DUSP3: variants seen among roughly 807,000 people sequenced by gnomAD.
DUSP3 encodes dual specificity phosphatase 3, also known as dual specificity protein phosphatase 3.
DUSP3 carries 7 observed loss-of-function variants against 15.5 expected under a neutral mutation model. The observed-to-expected ratio is 0.45, with a 90% CI of 0.26 to 0.85. The LOEUF (loss-of-function observed/expected upper bound fraction) is 0.85. Ranked by LOEUF, DUSP3 falls within the 40% of genes least tolerant of loss-of-function variation. The probability of loss-of-function intolerance (pLI) is 0.18; values close to 1 mark genes in which losing one functional copy is unlikely to be tolerated. For missense variants in DUSP3, 209 were observed against 251.7 expected (o/e 0.83, Z 1.15); for synonymous variants, 86 against 104.2 (o/e 0.83, Z 1.07).
chr17:43,775,954 T>C (rs892964125), intron 1 of DUSP3, among the ~76,000 whole-genome samples: 1 of 151,954 alleles, frequency 6.6e-6, no homozygotes, highest in African/African-American at 2.4e-5. Context: ...CTACTAAAAA[T>C]ACAAAAGTGA....
Position 43,778,782 on chromosome 17 carries a change from C to A in DUSP3, c.125+18G>T, listed in dbSNP as rs930731427. The A allele has an allele frequency of 2.0e-6, 3 of 1,514,778 alleles. No individual in the cohort carries two copies. The highest frequency in any genetic ancestry group is 2.5e-5 in the South Asian group (2 of 80,098). The allele number at this position is 1,514,778 out of a possible 1,614,324, so 93.8% of individuals were successfully genotyped here. A position where few individuals can be genotyped will look rare whatever the true frequency, so the allele number is the denominator to read the frequency against. ...TCCCGAGAGGGACGGCGGGGCCGGG[C>A]TCGCGAAAGGGACTCACGCGTTGCC... On this transcript the variant is annotated intron_variant, in intron 1 of 2. Transcript: ENST00000226004.
intron 1 of DUSP3, chr17:43,777,506 A>G (rs1384974368): frequency 8.8e-6 from 4 of 455,884 alleles, no homozygotes; most frequent in Non-Finnish European, 1.8e-5. Context: ...AGCAGGTCAT[A>G]GCGGAGGTCA....
rs930731427 is a variant in DUSP3 at position 43,778,782 on chromosome 17, C to T, written c.125+18G>A. 6.6e-6 allele frequency: 10 copies of T among 1,514,888 alleles called. No homozygotes were observed. Among genetic ancestry groups the T allele is most frequent in the Non-Finnish European group, 8.8e-6 (10 of 1,131,452 alleles). The allele number at this position is 1,514,888 out of a possible 1,614,324, so 93.8% of individuals were successfully genotyped here. On this transcript the variant is annotated intron_variant, in intron 1 of 2. Transcript: ENST00000226004. ...TCCCGAGAGGGACGGCGGGGCCGGG[C>T]TCGCGAAAGGGACTCACGCGTTGCC...
rs1683934897 is a variant in DUSP3, at chr17:43,766,147, T to C, written c.*3462A>G. On this transcript the variant is annotated 3_prime_UTR_variant, in exon 3 of 3. Transcript: ENST00000226004. The stretch of plus-strand genomic sequence containing the variant: ...ACCTTTGTAATGTAAGACATTTATT[T>C]TGGCTAAAGTTCTGGTGTTTTAACA... 1 of 152,678 alleles carries C rather than the reference T, an allele frequency of 6.5e-6. No individual in the cohort carries two copies. Among genetic ancestry groups the C allele is most frequent in the Non-Finnish European group, 1.5e-5 (1 of 68,050 alleles). The allele number at this position is 152,678 out of a possible 1,614,324, so 9.5% of individuals were successfully genotyped here.
At chr17:43,777,284 T>C (rs1974401040) in intron 1 of DUSP3, among the ~76,000 whole-genome samples, 2 of 152,142 alleles carry the variant, frequency 1.3e-5, no homozygotes, top group South Asian at 4.1e-4. Context: ...CTAATACTAT[T>C]AATAATTCAA....
At chr17:43,775,612 C>T (rs1974376702) in intron 1 of DUSP3, among the ~76,000 whole-genome samples, 1 of 152,158 alleles carries the variant, frequency 6.6e-6, no homozygotes, top group Non-Finnish European at 1.5e-5. Context: ...CCACCATCTG[C>T]TATAGTACCT....
In DUSP3 at chr17:43,768,499, G is replaced by A. The variant is rs1322335218; in HGVS notation, c.*1110C>T. The A allele has an allele frequency of 6.6e-6, 1 of 152,144 alleles. No homozygotes were observed. The highest frequency in any genetic ancestry group is 1.5e-5 in the Non-Finnish European group (1 of 68,034). 9.4% of individuals were successfully genotyped at this position (152,144 alleles called of 1,614,324 possible). A position where few individuals can be genotyped will look rare whatever the true frequency, so the allele number is the denominator to read the frequency against. ...CTGGCTGAGTCACTTCAGGGATCCCGTGCTGGCACCAGAGAGCTGTAAGAG... is the reference window on the plus strand; with the variant it reads ...CTGGCTGAGTCACTTCAGGGATCCCATGCTGGCACCAGAGAGCTGTAAGAG... On this transcript the variant is annotated 3_prime_UTR_variant, in exon 3 of 3. Transcript: ENST00000226004.
intron 1 of DUSP3, chr17:43,777,691 G>A (rs1269016807): frequency 2.1e-5 from 8 of 376,828 alleles, no homozygotes; most frequent in East Asian, 7.3e-5. Flanking sequence ...TCAGAGTATC[G>A]TGAAAATCCA....
In DUSP3 at chr17:43,769,754, T is replaced by C. The variant is rs1974288527; in HGVS notation, c.413A>G (p.Tyr138Cys). 6.2e-7 allele frequency: 1 copy of C among 1,613,978 alleles called. No homozygotes were observed. Among genetic ancestry groups the C allele is most frequent in the Non-Finnish European group, 8.5e-7 (1 of 1,179,964 alleles). The change falls in exon 3 of 3, where the codon TAC (tyrosine) becomes TGC (cysteine). Residue 138 changes from tyrosine to cysteine, a missense_variant. Tyr to Cys is a radical substitution (Grantham distance 194). Coordinates refer to ENST00000226004, the MANE Select transcript of DUSP3 (RefSeq NM_004090.4). ...GTCCATCTTCTGCCGCATCATGAGG[T>C]AGGCGATAACTAGCGTTGGGGAGCG... ...YSRSPTLVIAYLMMRQKMDVK... is the reference protein window; with the variant it reads ...YSRSPTLVIACLMMRQKMDVK...
At chr17:43,774,184 C>A in intron 2 of DUSP3, 1 of 275,304 alleles carries the variant, frequency 3.6e-6, no homozygotes, top group Non-Finnish European at 7.0e-6. Flanking sequence ...GGCTGCAGGG[C>A]CTCATCTGCT....
intron 2 of DUSP3, 80 bp from the exon 3 acceptor site, chr17:43,769,894 G>T: frequency 6.8e-7 from 1 of 1,472,884 alleles, no homozygotes; most frequent in Non-Finnish European, 9.3e-7. Context: ...TCCGTGAAGT[G>T]CCACTTAAAA....
intron 2 of DUSP3, among the ~76,000 whole-genome samples, chr17:43,773,539 A>AG (rs1352741697): frequency 6.6e-6 from 1 of 152,170 alleles, no homozygotes; most frequent in Non-Finnish European, 1.5e-5. Flanking sequence ...AGATTTGGCC[A>AG]GGGGGGCTGT....
chr17:43,778,950 G>T lies in DUSP3; in HGVS notation c.-26C>A, dbSNP rs766445576. ...GGCGGCGGCGGGGCCCTGCACGCCC[G>T]GCAGGAGCAAGCGAGGCGGAGAGCG... On this transcript the variant is annotated 5_prime_UTR_variant, in exon 1 of 3. Coordinates refer to ENST00000226004, the MANE Select transcript of DUSP3 (RefSeq NM_004090.4). 7.1e-7 allele frequency: 1 copy of T among 1,399,742 alleles called. No homozygotes were observed. The highest frequency in any genetic ancestry group is 9.4e-7 in the Non-Finnish European group (1 of 1,069,290). The allele number at this position is 1,399,742 out of a possible 1,614,324, so 86.7% of individuals were successfully genotyped here. A position where few individuals can be genotyped will look rare whatever the true frequency, so the allele number is the denominator to read the frequency against.
At chr17:43,775,585 G>T (rs1176219721) in intron 1 of DUSP3, among the ~76,000 whole-genome samples, 1 of 152,160 alleles carries the variant, frequency 6.6e-6, no homozygotes, top group Non-Finnish European at 1.5e-5. Flanking sequence ...AACCATGTCT[G>T]CTTTAAGTCT....
At chr17:43,778,568 AC>A (rs1974419934) in intron 1 of DUSP3, among the ~76,000 whole-genome samples, 1 of 151,884 alleles carries the variant, frequency 6.6e-6, no homozygotes, top group Admixed American at 6.5e-5. Context: ...GGCTCCGTGC[AC>A]CCCGCCACGG....
chr17:43,769,799 T>C lies in DUSP3; in HGVS notation c.368A>G (p.His123Arg). ...GGAGCGGCTATAACCTTCCCGGCAG[T>C]GGACGAGCACCCGGCCTGTAAGAAA... is the stretch of plus-strand genomic sequence containing the variant. ...LAQKNGRVLV[H>R]CREGYSRSPT... is the part of the protein sequence containing the mutation. Residue 123 changes from histidine to arginine, a missense_variant, in exon 3 of 3, where the codon CAC (histidine) becomes CGC (arginine). Coordinates refer to ENST00000226004, the MANE Select transcript of DUSP3 (RefSeq NM_004090.4). 6.2e-7 allele frequency: 1 copy of C among 1,614,068 alleles called. No individual in the cohort carries two copies. Among genetic ancestry groups the C allele is most frequent in the Middle Eastern group, 1.7e-4 (1 of 6,060 alleles).
chr17:43,776,980 T>C (rs888126131), intron 1 of DUSP3, among the ~76,000 whole-genome samples: 2 of 133,944 alleles, frequency 1.5e-5, no homozygotes, highest in African/African-American at 7.3e-5. Flanking sequence ...TCTCTAATAC[T>C]TTTTTTTTTT....
At chr17:43,777,003 C>T (rs1262034263) in intron 1 of DUSP3, among the ~76,000 whole-genome samples, 2 of 151,740 alleles carry the variant, frequency 1.3e-5, no homozygotes, top group Non-Finnish European at 2.9e-5. Flanking sequence ...GATGGAGTTT[C>T]GCTCTTGTTG....
chr17:43,774,152 A>G lies in DUSP3; in HGVS notation c.352+560T>C, dbSNP rs564715813. 2.3e-3 allele frequency: 636 copies of G among 278,552 alleles called. 4 individuals carry two copies. The highest frequency in any genetic ancestry group is 0.014 in the African/African-American group (599 of 41,468). 17.3% of individuals were successfully genotyped at this position (278,552 alleles called of 1,614,324 possible). ...AAAAAAAAAGGAGAGAGAGAAGAGG[A>G]AAAAAAAGAGTGGGAAGAGATGGCT... On this transcript the variant is annotated intron_variant, in intron 2 of 2. Transcript: ENST00000226004.
Sources: allele counts gnomAD v4.1 joint callset (sites outside exome capture counted in the v4.1 genomes callset), GRCh38; gene constraint gnomAD v4.1.1; transcripts MANE v1.5; gene names NCBI Gene and HGNC (gene_info 2026-07-23, HGNC 2026-07-21).